Variants in MAGI2 observed in about 807,000 individuals in gnomAD.
The protein encoded by MAGI2 is membrane-associated guanylate kinase, WW and PDZ domain-containing protein 2.
In MAGI2, 35 loss-of-function variants were observed where a neutral mutation model predicts 133.3. That is an observed-to-expected ratio of 0.26 (90% CI 0.20 to 0.35). MAGI2 has a LOEUF of 0.35. Among genes scored for constraint, MAGI2 ranks in the 10% least tolerant of loss-of-function variants. The pLI, the probability that MAGI2 is intolerant of heterozygous loss-of-function variation, is 1.00. For synonymous variants in MAGI2, 729 were observed against 710.6 expected, an observed-to-expected ratio of 1.03 and a Z score of -0.41; for missense variants, 1,636 against 1,863.4, an observed-to-expected ratio of 0.88 and a Z score of 2.25.
At position 78,129,700 on chromosome 7, in the gene MAGI2, T is replaced by C. The variant is rs1821353196; in HGVS notation, c.3204-2284A>G. Among the ~76,000 whole-genome samples, 4 of 151,926 alleles carry C rather than the reference T, an allele frequency of 2.6e-5. No individual in the cohort carries two copies. In the South Asian group the frequency reaches 8.3e-4, roughly 32 times the overall value. ...TGGCTCACGCCTGTAATCCCAGCACTTTGGGAGGCTGAGGCGGGTGGATCA... is the reference window on the plus strand; with the variant it reads ...TGGCTCACGCCTGTAATCCCAGCACCTTGGGAGGCTGAGGCGGGTGGATCA... On this transcript the variant is annotated intron_variant, in intron 18 of 21. Coordinates refer to ENST00000354212, the MANE Select transcript of MAGI2 (RefSeq NM_012301.4).
intron 9 of MAGI2, among the ~76,000 whole-genome samples, chr7:78,302,289 T>A (rs374248595): frequency 6.6e-6 from 1 of 152,330 alleles, no homozygotes; most frequent in African/African-American, 2.4e-5. Flanking sequence ...AATGCCTTGG[T>A]CCCATCTTTA....
At chr7:79,420,858 A>G (rs558304172) in intron 1 of MAGI2, among the ~76,000 whole-genome samples, 19 of 152,160 alleles carry the variant, frequency 1.2e-4, no homozygotes, top group Admixed American at 6.6e-4. Flanking sequence ...TTCTTTTTAC[A>G]GCATTAAATT....
chr7:78,951,760 G>C (rs1243245903), intron 2 of MAGI2, among the ~76,000 whole-genome samples: 3 of 152,178 alleles, frequency 2.0e-5, no homozygotes, highest in Admixed American at 1.3e-4. Flanking sequence ...TAATCAGGTA[G>C]GCTTAAAATT....
intron 6 of MAGI2, among the ~76,000 whole-genome samples, chr7:78,410,010 T>C (rs1033968889): frequency 2.0e-5 from 3 of 152,000 alleles, no homozygotes; most frequent in Admixed American, 6.6e-5. Context: ...GAAAGGACCG[T>C]CATCAGCTAA....
chr7:79,439,676 T>C (rs1415644734), intron 1 of MAGI2, among the ~76,000 whole-genome samples: 1 of 152,212 alleles, frequency 6.6e-6, no homozygotes, highest in Non-Finnish European at 1.5e-5. Context: ...AATTAATGAA[T>C]AATTATTTAT....
chr7:78,614,500 A>G (rs1424419003), intron 3 of MAGI2: 1 of 152,196 alleles, frequency 6.6e-6, no homozygotes, highest in East Asian at 1.9e-4. Flanking sequence ...TTCTGACTTC[A>G]TAAAAAACAT....
chr7:78,524,198 A>AT (rs1343333799), intron 3 of MAGI2, among the ~76,000 whole-genome samples: 1 of 152,078 alleles, frequency 6.6e-6, no homozygotes, highest in Non-Finnish European at 1.5e-5. Context: ...CCGTCCACTG[A>AT]TTTTATCTCA....
At chr7:78,262,999 T>A (rs1793658783) in intron 9 of MAGI2, among the ~76,000 whole-genome samples, 1 of 152,092 alleles carries the variant, frequency 6.6e-6, no homozygotes, top group African/African-American at 2.4e-5. Flanking sequence ...TGTCTAGTAG[T>A]CCCCAGTGTC....
intron 7 of MAGI2, among the ~76,000 whole-genome samples, chr7:78,348,140 C>T (rs911214315): frequency 1.3e-5 from 2 of 152,206 alleles, no homozygotes; most frequent in African/African-American, 4.8e-5. Context: ...CTTGGAGCTA[C>T]TTTGATCAGT....
At chr7:78,517,420 G>C (rs1055421529) in intron 4 of MAGI2, among the ~76,000 whole-genome samples, 3 of 152,108 alleles carry the variant, frequency 2.0e-5, no homozygotes, top group African/African-American at 7.2e-5. Flanking sequence ...ATGTGTTGGA[G>C]AGCGGATGAG....
intron 1 of MAGI2, among the ~76,000 whole-genome samples, chr7:79,384,348 T>C (rs1308263580): frequency 6.7e-6 from 1 of 148,762 alleles, no homozygotes; most frequent in African/African-American, 2.5e-5. Flanking sequence ...AAAACTGGAA[T>C]GCTTCTTGAA....
At chr7:79,421,657 T>C (rs1846967346) in intron 1 of MAGI2, among the ~76,000 whole-genome samples, 2 of 151,882 alleles carry the variant, frequency 1.3e-5, no homozygotes, top group African/African-American at 4.8e-5. Flanking sequence ...TACAGCTACC[T>C]TCACTAACCT....
At chr7:78,700,665 A>G (rs928810848) in intron 2 of MAGI2, among the ~76,000 whole-genome samples, 5 of 152,086 alleles carry the variant, frequency 3.3e-5, no homozygotes, top group Non-Finnish European at 5.9e-5. Context: ...GTTTGATCAA[A>G]GATTGAAGAT....
intron 1 of MAGI2, among the ~76,000 whole-genome samples, chr7:79,155,898 T>G (rs969877478): frequency 2.6e-5 from 4 of 152,146 alleles, no homozygotes; most frequent in African/African-American, 9.7e-5. Context: ...GAAGTATAAG[T>G]GAAGAAGCAT....
At chr7:78,141,504 T>C (rs1038235373) in intron 16 of MAGI2, among the ~76,000 whole-genome samples, 1 of 152,082 alleles carries the variant, frequency 6.6e-6, no homozygotes, top group African/African-American at 2.4e-5. Flanking sequence ...GGAAAAAACA[T>C]GTGTTTTGTA....
rs548477671 is a variant in MAGI2, at chr7:78,725,203, T to C, written c.419-97964A>G. On this transcript the variant is annotated intron_variant, in intron 2 of 21. Transcript: ENST00000354212. ...GTCTTTTTTGAAGCGTTAACGCTTA[T>C]GGTTTTTAGGGCCCAAGTTACTAAG... Among the ~76,000 whole-genome samples, 6 of 152,376 alleles carry C rather than the reference T, an allele frequency of 3.9e-5. No homozygotes were observed. In the South Asian group the frequency reaches 8.3e-4, roughly 21 times the overall value.
intron 2 of MAGI2, among the ~76,000 whole-genome samples, chr7:78,923,954 C>A (rs1258889129): frequency 1.3e-5 from 2 of 152,120 alleles, no homozygotes; most frequent in African/African-American, 4.8e-5. Context: ...CTCTTTGAAG[C>A]AATTGTGAGT....
intron 1 of MAGI2, among the ~76,000 whole-genome samples, chr7:79,326,699 T>C (rs1001060503): frequency 2.6e-5 from 4 of 152,032 alleles, no homozygotes; most frequent in Non-Finnish European, 5.9e-5. Flanking sequence ...CTGTTTTCCT[T>C]TAGTTACTGA....
At chr7:78,556,583 C>T (rs570980439) in intron 3 of MAGI2, among the ~76,000 whole-genome samples, 1 of 152,098 alleles carries the variant, frequency 6.6e-6, no homozygotes, top group Admixed American at 6.6e-5. Context: ...GAAGCAATAC[C>T]CTCTCTATCT....
Sources: allele counts gnomAD v4.1 joint callset (sites outside exome capture counted in the v4.1 genomes callset), GRCh38; gene constraint gnomAD v4.1.1; transcripts MANE v1.5; gene names NCBI Gene and HGNC (gene_info 2026-07-23, HGNC 2026-07-21).